EML6: variants seen among roughly 807,000 people sequenced by gnomAD.
EML6 encodes the protein echinoderm microtubule-associated protein-like 6.
Under a neutral mutation model 240.1 loss-of-function variants are expected in EML6, and 154 were observed. The ratio of observed to expected loss-of-function variants is 0.64; its 90% confidence interval spans 0.56 to 0.73. The LOEUF (loss-of-function observed/expected upper bound fraction) is 0.73. Ranked by LOEUF, EML6 falls within the 30% of genes least tolerant of loss-of-function variation. The pLI is 0.00. For synonymous variants in EML6, 1,148 were observed against 899.0 expected (o/e 1.28, Z -4.95); for missense variants, 2,964 against 2,474.6 (o/e 1.20, Z -4.20).
intron 31 of EML6, among the ~76,000 whole-genome samples, chr2:54,953,662 G>A (rs1469401685): frequency 2.6e-5 from 4 of 152,092 alleles, no homozygotes; most frequent in African/African-American, 9.7e-5. Flanking sequence ...GGAGGCGGGC[G>A]GATCACCTGA....
At chr2:54,810,528 T>G (rs1667782543) in intron 2 of EML6, among the ~76,000 whole-genome samples, 1 of 152,220 alleles carries the variant, frequency 6.6e-6, no homozygotes, top group Admixed American at 6.5e-5. Flanking sequence ...AACAAGTATC[T>G]CAAGGATTTT....
At chr2:54,779,488 G>C (rs2103841766) in intron 2 of EML6, among the ~76,000 whole-genome samples, 1 of 147,650 alleles carries the variant, frequency 6.8e-6, no homozygotes, top group South Asian at 2.1e-4. Flanking sequence ...GGAGGTTGCA[G>C]TGAGCCAAGA....
At chr2:54,924,540 C>G (rs1473373749) in intron 26 of EML6, among the ~76,000 whole-genome samples, 4 of 152,004 alleles carry the variant, frequency 2.6e-5, no homozygotes, top group Non-Finnish European at 4.4e-5. Context: ...TTGATAAAAT[C>G]ACTTATTTTT....
chr2:54,967,173 C>G, intron 39 of EML6, 70 bp downstream of exon 39: 2 of 1,037,908 alleles, frequency 1.9e-6, no homozygotes, highest in Non-Finnish European at 2.9e-6. Flanking sequence ...CAGGCTCAGC[C>G]TCCAAGTCTG....
At chr2:54,822,713 C>T (rs371582758) in intron 5 of EML6, among the ~76,000 whole-genome samples, 2 of 151,994 alleles carry the variant, frequency 1.3e-5, no homozygotes, top group East Asian at 3.9e-4. Flanking sequence ...GTGGGAAATA[C>T]ATTAGAAGGA....
At chr2:54,885,401 C>T (rs1672072761) in intron 17 of EML6, among the ~76,000 whole-genome samples, 1 of 151,666 alleles carries the variant, frequency 6.6e-6, no homozygotes, top group Non-Finnish European at 1.5e-5. Context: ...GAGCCGAGAT[C>T]ATGCCACTGC....
intron 26 of EML6, among the ~76,000 whole-genome samples, chr2:54,927,478 G>A (rs62134776): frequency 0.048 from 7,317 of 152,230 alleles, 228 homozygotes; most frequent in East Asian, 0.11. Context: ...GTATTCCCTC[G>A]GAGTCGCTGA....
intron 15 of EML6, among the ~76,000 whole-genome samples, chr2:54,870,092 C>T (rs1402459070): frequency 1.3e-5 from 2 of 152,124 alleles, no homozygotes; most frequent in Admixed American, 6.5e-5. Flanking sequence ...GCAGATAATA[C>T]TTCAACTGGT....
At chr2:54,844,302 C>A in intron 8 of EML6, 54 bp downstream of exon 8, 2 of 1,404,956 alleles carry the variant, frequency 1.4e-6, no homozygotes, top group Non-Finnish European at 2.0e-6. Context: ...ATTTATTTGC[C>A]CAAATTTGCT....
Position 54,859,898 on chromosome 2 carries a change from C to A in EML6, c.1825+197C>A, listed in dbSNP as rs546177886. On this transcript the variant is annotated intron_variant, in intron 12 of 41. Coordinates refer to ENST00000356458, the MANE Select transcript of EML6 (RefSeq NM_001039753.4). ...GGATAATTTTCTTCAAAGGAAGTTG[C>A]TATACCAAATGCAAGTTGAGCAGGA... Among the ~76,000 whole-genome samples, 3 of 152,212 alleles carry A rather than the reference C, an allele frequency of 2.0e-5. No individual in the cohort carries two copies. The South Asian group carries it at 6.2e-4, about 32-fold the overall frequency.
At chr2:54,968,987 G>C (rs1676874188) in intron 41 of EML6, among the ~76,000 whole-genome samples, 1 of 152,184 alleles carries the variant, frequency 6.6e-6, no homozygotes, top group African/African-American at 2.4e-5. Flanking sequence ...GACTGGAGCT[G>C]TCCTGGGATG....
At chr2:54,739,392 G>C (rs1053752645) in intron 2 of EML6, among the ~76,000 whole-genome samples, 7 of 152,272 alleles carry the variant, frequency 4.6e-5, no homozygotes, top group Admixed American at 3.9e-4. Flanking sequence ...TTGAATGATA[G>C]GAAATCTTAG....
At chr2:54,772,899 C>G (rs1350866850) in intron 2 of EML6, among the ~76,000 whole-genome samples, 2 of 152,240 alleles carry the variant, frequency 1.3e-5, no homozygotes, top group Non-Finnish European at 2.9e-5. Flanking sequence ...TAACCAGATG[C>G]TACATTTGGG....
intron 24 of EML6, among the ~76,000 whole-genome samples, chr2:54,904,081 A>G (rs1015476344): frequency 4.6e-5 from 7 of 152,232 alleles, no homozygotes; most frequent in Non-Finnish European, 1.0e-4. Context: ...GTCTTAAGCT[A>G]GCAAATGTGG....
Position 54,776,442 on chromosome 2 carries a change from T to G in EML6, c.198-36790T>G, listed in dbSNP as rs554119449. Among the ~76,000 whole-genome samples, 4 of 152,310 alleles carry G rather than the reference T, an allele frequency of 2.6e-5. No individual in the cohort carries two copies. In the South Asian group the frequency reaches 8.3e-4, roughly 32 times the overall value. ...CTTTTCTTGAGTCAGTTTTTATACT[T>G]TTATTTTCTGGGAAAGCTTTTATCT... On this transcript the variant is annotated intron_variant, in intron 2 of 41. Transcript: ENST00000356458.
At chr2:54,833,658 G>A (rs748616140) in intron 7 of EML6, among the ~76,000 whole-genome samples, 1 of 152,202 alleles carries the variant, frequency 6.6e-6, no homozygotes, top group Non-Finnish European at 1.5e-5. Context: ...CTCACATGAT[G>A]AGGAGGGCCA....
intron 2 of EML6, among the ~76,000 whole-genome samples, chr2:54,766,094 A>G (rs1310342449): frequency 6.6e-6 from 1 of 152,164 alleles, no homozygotes; most frequent in Non-Finnish European, 1.5e-5. Context: ...GTATGTAGAT[A>G]CATATTTTTT....
intron 28 of EML6, among the ~76,000 whole-genome samples, chr2:54,936,833 T>C (rs1675157694): frequency 6.6e-6 from 1 of 152,222 alleles, no homozygotes; most frequent in African/African-American, 2.4e-5. Context: ...TTTTCTTACC[T>C]GAGAAGCTGC....
chr2:54,794,263 C>T (rs900036822), intron 2 of EML6, among the ~76,000 whole-genome samples: 2 of 152,128 alleles, frequency 1.3e-5, no homozygotes, highest in African/African-American at 4.8e-5. Flanking sequence ...ACTCAGCTGC[C>T]TATTCATCTT....
Sources: allele counts gnomAD v4.1 joint callset (sites outside exome capture counted in the v4.1 genomes callset), GRCh38; gene constraint gnomAD v4.1.1; transcripts MANE v1.5; gene names NCBI Gene and HGNC (gene_info 2026-07-23, HGNC 2026-07-21).